The following MAML3 variants were observed in gnomAD, a reference collection of about 807,000 sequenced individuals.
MAML3 encodes mastermind-like protein 3.
Under a neutral mutation model 101.9 loss-of-function variants are expected in MAML3, and 27 were observed. That is an observed-to-expected ratio of 0.27 (90% confidence interval 0.20 to 0.37). The LOEUF (loss-of-function observed/expected upper bound fraction) is 0.37. Among genes scored for constraint, MAML3 ranks in the 10% least tolerant of loss-of-function variants. MAML3 has a pLI of 1.00. For missense variants in MAML3, 1,316 were observed against 1,444.9 expected (o/e 0.91, Z 1.45); for synonymous variants, 501 against 555.9 (o/e 0.90, Z 1.39).
chr4:139,920,135 G>A (rs867853400), intron 1 of MAML3, among the ~76,000 whole-genome samples: 3 of 152,236 alleles, frequency 2.0e-5, no homozygotes, highest in Middle Eastern at 3.4e-3. Flanking sequence ...AATGACTAAT[G>A]ACTCTAGTTA....
intron 1 of MAML3, among the ~76,000 whole-genome samples, chr4:139,916,350 T>C (rs1259979799): frequency 6.6e-6 from 1 of 152,242 alleles, no homozygotes; most frequent in African/African-American, 2.4e-5. Context: ...TCAGCCGTTC[T>C]CAGAACATTT....
intron 2 of MAML3, among the ~76,000 whole-genome samples, chr4:139,883,064 G>A (rs746655365): frequency 8.5e-5 from 13 of 152,130 alleles, no homozygotes; most frequent in African/African-American, 4.8e-5. Context: ...AACAGACGAC[G>A]CAACACAGAA....
intron 1 of MAML3, among the ~76,000 whole-genome samples, chr4:140,129,621 G>A (rs1156445818): frequency 6.6e-6 from 1 of 152,160 alleles, no homozygotes; most frequent in East Asian, 1.9e-4. Flanking sequence ...TCAGGCTGCT[G>A]CGCAATCCAT....
At chr4:139,920,210 T>C (rs1261109290) in intron 1 of MAML3, among the ~76,000 whole-genome samples, 3 of 152,258 alleles carry the variant, frequency 2.0e-5, no homozygotes, top group Non-Finnish European at 4.4e-5. Context: ...TGTAAGTTAA[T>C]GAATAATCCA....
intron 2 of MAML3, among the ~76,000 whole-genome samples, chr4:139,791,502 C>CAA (rs534133306): frequency 0.011 from 1,008 of 94,772 alleles, 28 homozygotes; most frequent in African/African-American, 0.013. Flanking sequence ...GACTCCATCT[C>CAA]AAAAAAAAAA....
intron 1 of MAML3, among the ~76,000 whole-genome samples, chr4:139,950,451 T>A (rs1733813419): frequency 6.6e-6 from 1 of 152,204 alleles, no homozygotes; most frequent in Non-Finnish European, 1.5e-5. Flanking sequence ...TCTCTCTTTA[T>A]CCTCTATTTG....
intron 2 of MAML3, among the ~76,000 whole-genome samples, chr4:139,843,384 C>T (rs1293227856): frequency 6.6e-6 from 1 of 152,182 alleles, no homozygotes; most frequent in Non-Finnish European, 1.5e-5. Context: ...CAGAAAATAA[C>T]TTGATATATC....
intron 1 of MAML3, among the ~76,000 whole-genome samples, chr4:139,916,000 T>C (rs1487548362): frequency 1.3e-5 from 2 of 152,154 alleles, no homozygotes; most frequent in Non-Finnish European, 2.9e-5. Context: ...ACCAGGCAAA[T>C]TCAAGATCTT....
At chr4:139,904,783 C>T (rs1254633204) in intron 1 of MAML3, among the ~76,000 whole-genome samples, 1 of 152,148 alleles carries the variant, frequency 6.6e-6, no homozygotes, top group East Asian at 1.9e-4. Context: ...GCCTAATATC[C>T]TATTACACAC....
At position 139,889,300 on chromosome 4, in the gene MAML3, G is replaced by A. The variant is rs201824914; in HGVS notation, c.2079+57C>T. 74 of 1,613,206 alleles carry A rather than the reference G, an allele frequency of 4.6e-5. No individual in the cohort carries two copies. The African/African-American group carries it at 6.3e-4, about 14-fold the overall frequency. The stretch of plus-strand genomic sequence containing the variant: ...GGAAGCTTGTAGAACATCACACATC[G>A]ACAGTCTGAAATGCACCACAAGAAC... On this transcript the variant is annotated intron_variant, in intron 2 of 4. Coordinates refer to ENST00000509479, the MANE Select transcript of MAML3 (RefSeq NM_018717.5).
intron 1 of MAML3, among the ~76,000 whole-genome samples, chr4:140,074,129 A>G (rs1056664288): frequency 6.6e-6 from 1 of 150,694 alleles, no homozygotes; most frequent in Non-Finnish European, 1.5e-5. Flanking sequence ...AGACTTCGAA[A>G]AAGAAAGAAA....
At chr4:139,831,651 C>T (rs1483053789) in intron 2 of MAML3, among the ~76,000 whole-genome samples, 1 of 152,138 alleles carries the variant, frequency 6.6e-6, no homozygotes, top group African/African-American at 2.4e-5. Flanking sequence ...TAACCTTAGA[C>T]CCGAGCATGG....
At chr4:139,837,921 A>G (rs542849165) in intron 2 of MAML3, among the ~76,000 whole-genome samples, 1 of 151,938 alleles carries the variant, frequency 6.6e-6, no homozygotes, top group Admixed American at 6.5e-5. Context: ...CTCGGTCTCA[A>G]AAAAAGAAAA....
chr4:139,772,649 A>T (rs2111069808), intron 2 of MAML3, among the ~76,000 whole-genome samples: 1 of 152,064 alleles, frequency 6.6e-6, no homozygotes, highest in East Asian at 1.9e-4. Context: ...GGCCAAAGTT[A>T]TCTTAACATT....
intron 1 of MAML3, among the ~76,000 whole-genome samples, chr4:140,060,847 G>A (rs75046571): frequency 0.011 from 1,672 of 152,144 alleles, 18 homozygotes; most frequent in Middle Eastern, 0.027. Flanking sequence ...AACAATCAGC[G>A]TGACCACATA....
intron 2 of MAML3, among the ~76,000 whole-genome samples, chr4:139,845,079 T>C (rs947268182): frequency 6.6e-6 from 1 of 152,168 alleles, no homozygotes; most frequent in Non-Finnish European, 1.5e-5. Flanking sequence ...TGACTTGCAG[T>C]CCAATACTTA....
rs559373043 is a variant in MAML3, at chr4:139,719,377, G to A, written c.3363C>T (p.Gly1121=). 2.6e-5 allele frequency: 42 copies of A among 1,612,320 alleles called. No individual in the cohort carries two copies. The highest frequency in any genetic ancestry group is 5.5e-5 in the South Asian group (5 of 90,922). The change falls in exon 5 of 5, where the codon GGC becomes GGT. Residue 1121 remains glycine, a synonymous_variant. Transcript: ENST00000509479. The part of the protein sequence containing the change: ...GADLVDSIIK[G]GPGDEWMQEL... ...CCTGCATCCACTCGTCCCCTGGCCC[G>A]CCTTTGATGATGGAGTCCACAAGGT...
rs1727216979 is a variant in MAML3, at chr4:140,048,388, A to C, written c.468+104472T>G. Among the ~76,000 whole-genome samples, 4 of 152,370 alleles carry C rather than the reference A, an allele frequency of 2.6e-5. No homozygotes were observed. The East Asian group carries it at 7.7e-4, about 29-fold the overall frequency. On this transcript the variant is annotated intron_variant, in intron 1 of 4. Transcript: ENST00000509479. ...ATAATAAAGCCATCTCCAAAAGGTC[A>C]GGAGAAATTTATTGGGAACCTACTG...
chr4:139,854,147 C>T (rs1287625197), intron 2 of MAML3, among the ~76,000 whole-genome samples: 1 of 151,936 alleles, frequency 6.6e-6, no homozygotes, highest in Non-Finnish European at 1.5e-5. Context: ...CCTTTCTATG[C>T]CTCAGTTTCT....
Sources: allele counts gnomAD v4.1 joint callset (sites outside exome capture counted in the v4.1 genomes callset), GRCh38; gene constraint gnomAD v4.1.1; transcripts MANE v1.5; gene names NCBI Gene and HGNC (gene_info 2026-07-23, HGNC 2026-07-21).